RORA: variants seen among roughly 807,000 people sequenced by gnomAD.
RORA encodes the protein nuclear receptor ROR-alpha.
RORA carries 7 observed loss-of-function variants against 69.5 expected under a neutral mutation model. The ratio of observed to expected loss-of-function variants is 0.10; its 90% CI spans 0.06 to 0.19. The LOEUF is 0.19. Ranked by LOEUF, RORA falls within the 10% of genes least tolerant of loss-of-function variation. RORA has a pLI of 1.00. For synonymous variants in RORA, 261 were observed against 240.8 expected (o/e 1.08, Z -0.78); for missense variants, 457 against 663.0 (o/e 0.69, Z 3.41).
chr15:61,228,768 T>A (rs1261695674), intron 1 of RORA, among the ~76,000 whole-genome samples: 1 of 151,924 alleles, frequency 6.6e-6, no homozygotes, highest in African/African-American at 2.4e-5. Context: ...TCCTCCAGTG[T>A]TTGCAGAAAA....
chr15:60,870,897 A>G (rs1339779993), intron 1 of RORA, among the ~76,000 whole-genome samples: 2 of 152,234 alleles, frequency 1.3e-5, no homozygotes, highest in Admixed American at 1.3e-4. Context: ...AAGACAATCA[A>G]TGTGATCTCT....
At position 61,002,966 on chromosome 15, in the gene RORA, C is replaced by T. The variant is rs192304237; in HGVS notation, c.166+226087G>A. 3.5e-3 allele frequency among the ~76,000 whole-genome samples: 357 copies of T among 103,218 alleles called. 2 individuals carry two copies. The highest frequency in any genetic ancestry group is 0.015 in the African/African-American group (339 of 22,846). 67.7% of individuals were successfully genotyped at this position (103,218 alleles called of 152,430 possible). On this transcript the variant is annotated intron_variant, in intron 1 of 10. Coordinates refer to ENST00000335670, the MANE Select transcript of RORA (RefSeq NM_134261.3). Reference sequence around the variant, plus strand: ...CTAACACAGTGAAACCCCGTCTCTACTAAAAATACAAAAAAAAAAAAAAAA... The same window carrying T: ...CTAACACAGTGAAACCCCGTCTCTATTAAAAATACAAAAAAAAAAAAAAAA...
chr15:61,141,813 G>A (rs1033030054), intron 1 of RORA, among the ~76,000 whole-genome samples: 5 of 152,168 alleles, frequency 3.3e-5, no homozygotes, highest in Admixed American at 1.3e-4. Flanking sequence ...CAAACAGGTC[G>A]ACTGCAGGAG....
chr15:60,720,875 C>T (rs1248514842), intron 1 of RORA, among the ~76,000 whole-genome samples: 3 of 152,074 alleles, frequency 2.0e-5, no homozygotes, highest in African/African-American at 7.2e-5. Flanking sequence ...TGCCATATTT[C>T]GACTGGGGGC....
chr15:60,891,566 G>A (rs1269454015), intron 1 of RORA, among the ~76,000 whole-genome samples: 12 of 152,200 alleles, frequency 7.9e-5, no homozygotes, highest in Admixed American at 7.8e-4. Flanking sequence ...CGGAGACTCA[G>A]AAACCATCAG....
intron 2 of RORA, among the ~76,000 whole-genome samples, chr15:60,646,505 C>A (rs2070048916): frequency 6.6e-6 from 1 of 152,112 alleles, no homozygotes; most frequent in Admixed American, 6.5e-5. Context: ...GTCACTTTTG[C>A]TGAATAAAAC....
intron 2 of RORA, among the ~76,000 whole-genome samples, chr15:60,614,493 G>C (rs1413619610): frequency 6.6e-6 from 1 of 152,166 alleles, no homozygotes; most frequent in African/African-American, 2.4e-5. Context: ...GTGTATTTTT[G>C]AGGAAAAGAG....
intron 1 of RORA, among the ~76,000 whole-genome samples, chr15:61,068,281 A>G (rs1426921457): frequency 1.3e-5 from 2 of 152,222 alleles, no homozygotes; most frequent in Non-Finnish European, 2.9e-5. Context: ...CGTATAGAGA[A>G]GTGTTAAACT....
intron 2 of RORA, among the ~76,000 whole-genome samples, chr15:60,575,758 TTA>T (rs1430007031): frequency 1.3e-5 from 2 of 152,212 alleles, no homozygotes; most frequent in Non-Finnish European, 2.9e-5. Context: ...CTTATAAAAT[TTA>T]TTGTTTAAAG....
chr15:60,996,727 G>A lies in RORA; in HGVS notation c.166+232326C>T, dbSNP rs559524949. Among the ~76,000 whole-genome samples, 14 of 152,114 alleles carry A rather than the reference G, an allele frequency of 9.2e-5. No homozygotes were observed. In the East Asian group the frequency reaches 2.5e-3, roughly 27 times the overall value. On this transcript the variant is annotated intron_variant, in intron 1 of 10. Coordinates refer to ENST00000335670, the MANE Select transcript of RORA (RefSeq NM_134261.3). ...AGATCGAGACCATCCTGGCTAACAT[G>A]GTGAAACCCCGTCTCTACTAAAAAT...
chr15:60,829,405 C>T (rs968358048), intron 1 of RORA, among the ~76,000 whole-genome samples: 2 of 152,126 alleles, frequency 1.3e-5, no homozygotes, highest in Non-Finnish European at 2.9e-5. Flanking sequence ...TTTGAGGTCA[C>T]GTCTTAGAGG....
At chr15:60,899,448 A>C (rs1477065258) in intron 1 of RORA, among the ~76,000 whole-genome samples, 13 of 152,230 alleles carry the variant, frequency 8.5e-5, no homozygotes, top group African/African-American at 3.1e-4. Context: ...AAAAAGGGGA[A>C]ATCCAGTATA....
chr15:60,834,503 G>C (rs952590196), intron 1 of RORA, among the ~76,000 whole-genome samples: 3 of 152,216 alleles, frequency 2.0e-5, no homozygotes, highest in Non-Finnish European at 2.9e-5. Context: ...AAGCTGCAAA[G>C]AGAGTTGCTA....
chr15:61,042,581 A>G (rs1896831903), intron 1 of RORA, among the ~76,000 whole-genome samples: 1 of 152,178 alleles, frequency 6.6e-6, no homozygotes, highest in Admixed American at 6.5e-5. Context: ...TTTTCTCACA[A>G]AAGACTGTAC....
chr15:60,527,120 G>A (rs2066384539), intron 3 of RORA, among the ~76,000 whole-genome samples: 1 of 152,122 alleles, frequency 6.6e-6, no homozygotes. Context: ...GTTATCAAGA[G>A]GAAAAGGTTT....
At chr15:60,753,185 A>G (rs943328721) in intron 1 of RORA, among the ~76,000 whole-genome samples, 13 of 152,078 alleles carry the variant, frequency 8.5e-5, no homozygotes, top group African/African-American at 2.9e-4. Flanking sequence ...TAGAAAAGGG[A>G]CCCCTTTAAG....
chr15:61,003,436 T>C (rs1021152566), intron 1 of RORA, among the ~76,000 whole-genome samples: 1 of 152,164 alleles, frequency 6.6e-6, no homozygotes, highest in African/African-American at 2.4e-5. Flanking sequence ...GCTGGCAAAA[T>C]GAATTAACAA....
chr15:61,105,913 A>G (rs1344455374), intron 1 of RORA, among the ~76,000 whole-genome samples: 1 of 152,238 alleles, frequency 6.6e-6, no homozygotes, highest in East Asian at 1.9e-4. Flanking sequence ...AAAAGTTGAC[A>G]TAATGGAGAA....
chr15:60,792,382 A>G (rs1359155006), intron 1 of RORA, among the ~76,000 whole-genome samples: 1 of 152,234 alleles, frequency 6.6e-6, no homozygotes. Context: ...AATGAAGCAG[A>G]AAAAGTATAT....
Sources: gnomAD v4.1 joint callset for allele counts (sites outside exome capture counted in the v4.1 genomes callset) on GRCh38, gnomAD v4.1.1 for gene constraint, MANE v1.5 for transcripts, NCBI Gene and HGNC (gene_info 2026-07-23, HGNC 2026-07-21) for gene names.